FCHO2: variants seen among roughly 807,000 people sequenced by gnomAD.
The protein encoded by FCHO2 is F-BAR domain only protein 2.
FCHO2 carries 43 observed loss-of-function variants against 114.1 expected under a neutral mutation model. The ratio of observed to expected loss-of-function variants is 0.38; its 90% CI spans 0.30 to 0.49. The LOEUF is 0.49. Among genes scored for constraint, FCHO2 ranks in the 20% least tolerant of loss-of-function variants. The pLI is 0.97. For synonymous variants in FCHO2, 293 were observed against 315.2 expected (o/e 0.93, Z 0.75); for missense variants, 807 against 950.4 (o/e 0.85, Z 1.98).
chr5:73,080,283 C>T (rs919196251), intron 22 of FCHO2, among the ~76,000 whole-genome samples: 7 of 152,140 alleles, frequency 4.6e-5, no homozygotes, highest in African/African-American at 1.2e-4. Context: ...AATGAAAGTT[C>T]GCTTTATCCA....
At chr5:72,956,203 C>A (rs1477179823) in intron 1 of FCHO2, 74 bp downstream of exon 1, 2 of 1,479,090 alleles carry the variant, frequency 1.4e-6, no homozygotes, top group Non-Finnish European at 1.8e-6. Flanking sequence ...CCTGCGTGCG[C>A]TTCGGGCGGC....
chr5:72,997,128 T>C (rs997983108), intron 5 of FCHO2: 29 of 1,128,988 alleles, frequency 2.6e-5, no homozygotes, highest in Non-Finnish European at 3.6e-5. Context: ...GAGATACTTA[T>C]TCACTCCCAC....
rs774724741 is a variant in FCHO2 at position 73,037,226 on chromosome 5, T to C, written c.914+11T>C. On this transcript the variant is annotated intron_variant, in intron 10 of 25. Transcript: ENST00000430046. ...AGATGCAGAATCTGTGTAAGTATTTTAAATATCGTCAAAATCCTTTTTGTT... is the reference window on the plus strand; with the variant it reads ...AGATGCAGAATCTGTGTAAGTATTTCAAATATCGTCAAAATCCTTTTTGTT... 6.4e-7 allele frequency: 1 copy of C among 1,562,474 alleles called. No homozygotes were observed. The highest frequency in any genetic ancestry group is 1.2e-5 in the South Asian group (1 of 82,634).
At chr5:73,034,504 T>C (rs200664042) in intron 8 of FCHO2, 153 bp from the exon 9 acceptor site, 3 of 513,566 alleles carry the variant, frequency 5.8e-6, no homozygotes, top group South Asian at 3.4e-5. Context: ...GATATTTTAA[T>C]TATTAGGTAA....
chr5:72,996,931 G>T (rs1204893195), intron 5 of FCHO2: 1 of 1,600,874 alleles, frequency 6.2e-7, no homozygotes. Flanking sequence ...TGATGCGGAC[G>T]CAGTGTCTGC....
intron 5 of FCHO2, 85 bp from the exon 6 acceptor site, chr5:73,006,355 GTATTT>G (rs749894584): frequency 6.8e-5 from 51 of 746,566 alleles, no homozygotes; most frequent in Non-Finnish European, 8.9e-5. Flanking sequence ...CTCTTAAAAT[GTATTT>G]TAATTTGTTA....
intron 9 of FCHO2, among the ~76,000 whole-genome samples, chr5:73,035,563 T>C (rs2112795908): frequency 6.6e-6 from 1 of 152,230 alleles, no homozygotes; most frequent in Admixed American, 6.5e-5. Flanking sequence ...AATACAGTGG[T>C]ACGATCTCTG....
At chr5:73,001,773 C>CA (rs1754456415) in intron 5 of FCHO2, among the ~76,000 whole-genome samples, 1 of 150,888 alleles carries the variant, frequency 6.6e-6, no homozygotes, top group South Asian at 2.1e-4. Context: ...CCCATCTCTA[C>CA]AAAAAAAGAA....
intron 22 of FCHO2, among the ~76,000 whole-genome samples, chr5:73,080,096 G>A (rs1217902775): frequency 1.3e-5 from 2 of 152,084 alleles, no homozygotes; most frequent in African/African-American, 2.4e-5. Context: ...AAGTATTTAC[G>A]ACACATAAGA....
At position 73,058,436 on chromosome 5, in the gene FCHO2, A is replaced by G. The variant is rs1157725473; in HGVS notation, c.1257A>G (p.Lys419=). The part of the protein sequence containing the change: ...KSKPSAPPNE[K]GTSDLLAWDP... ...GCTTTTAAAAATATTATGGTAGAAA[A>G]GGAACCAGTGATTTACTTGCTTGGG... Residue 419 remains lysine, a synonymous_variant, in exon 17 of 26, where the codon AAA becomes AAG. Coordinates refer to ENST00000430046, the MANE Select transcript of FCHO2 (RefSeq NM_138782.3). The G allele has an allele frequency of 3.2e-6, 5 of 1,550,858 alleles. No individual in the cohort carries two copies. In the East Asian group the frequency reaches 1.2e-4, roughly 36 times the overall value.
chr5:72,980,195 C>T (rs935813338), intron 2 of FCHO2, among the ~76,000 whole-genome samples: 8 of 152,132 alleles, frequency 5.3e-5, no homozygotes, highest in African/African-American at 1.7e-4. Context: ...GCCTTCATTT[C>T]GTTATGTACC....
intron 20 of FCHO2, among the ~76,000 whole-genome samples, chr5:73,075,601 T>A (rs1742874319): frequency 1.3e-5 from 2 of 152,106 alleles, no homozygotes; most frequent in South Asian, 4.1e-4. Context: ...AAATTACATG[T>A]GTTTTCAGAG....
intron 11 of FCHO2, among the ~76,000 whole-genome samples, chr5:73,045,552 T>G (rs1561474604): frequency 6.6e-6 from 1 of 152,242 alleles, no homozygotes; most frequent in African/African-American, 2.4e-5. Context: ...GAAATAAAGT[T>G]ACTATGAACA....
At chr5:72,992,579 C>T (rs368187355) in intron 5 of FCHO2, among the ~76,000 whole-genome samples, 2 of 152,146 alleles carry the variant, frequency 1.3e-5, no homozygotes, top group Non-Finnish European at 2.9e-5. Flanking sequence ...GAGCCTGGCT[C>T]ATTGCCTGAA....
chr5:72,971,422 G>A (rs190560171), intron 2 of FCHO2, among the ~76,000 whole-genome samples: 1 of 152,276 alleles, frequency 6.6e-6, no homozygotes, highest in Admixed American at 6.5e-5. Context: ...ATCTCATTGT[G>A]GTTTTGATTT....
chr5:73,081,954 A>G lies in FCHO2; in HGVS notation c.2152A>G (p.Asn718Asp). The G allele has an allele frequency of 6.3e-7, 1 of 1,588,206 alleles. No homozygotes were observed. The highest frequency in any genetic ancestry group is 8.6e-7 in the Non-Finnish European group (1 of 1,166,044). The change falls in exon 23 of 26, where the codon AAC becomes GAC. Residue 718 changes from asparagine (N) to aspartate (D), a missense_variant. Transcript: ENST00000430046. ...VVVPVDGGVT[N>D]MQSLPPAIWN... The stretch of plus-strand genomic sequence containing the variant: ...GGTACCAGTGGATGGAGGAGTAACG[A>G]ACATGCAGTCCCTTCCCCCTGCAAT...
Position 73,077,510 on chromosome 5 carries a change from T to A in FCHO2, c.1847+17T>A. 6.3e-7 allele frequency: 1 copy of A among 1,575,742 alleles called. No homozygotes were observed. The highest frequency in any genetic ancestry group is 1.3e-5 in the African/African-American group (1 of 74,278). On this transcript the variant is annotated intron_variant, in intron 21 of 25. Transcript: ENST00000430046. ...TGTGTTCAGGTTTGTGTACTTTTTGTTTTGAAGGTTGAAATTTCGTTTTAA... is the reference window on the plus strand; with the variant it reads ...TGTGTTCAGGTTTGTGTACTTTTTGATTTGAAGGTTGAAATTTCGTTTTAA...
chr5:73,083,914 C>T (rs112836181), intron 24 of FCHO2, among the ~76,000 whole-genome samples: 1 of 143,802 alleles, frequency 7.0e-6, no homozygotes, highest in Non-Finnish European at 1.5e-5. Flanking sequence ...AAAAAAAAAG[C>T]CCCCTTGCCT....
At chr5:72,996,227 G>C (rs1010440241) in intron 5 of FCHO2, among the ~76,000 whole-genome samples, 11 of 97,396 alleles carry the variant, frequency 1.1e-4, no homozygotes, top group Non-Finnish European at 2.3e-4. Flanking sequence ...TGGGCAACAA[G>C]AACGAAACTC....
Sources: gnomAD v4.1 joint callset for allele counts (sites outside exome capture counted in the v4.1 genomes callset) on GRCh38, gnomAD v4.1.1 for gene constraint, MANE v1.5 for transcripts, NCBI Gene and HGNC (gene_info 2026-07-23, HGNC 2026-07-21) for gene names.